The following CAST variants were observed in gnomAD, a reference collection of about 807,000 sequenced individuals.
CAST encodes calpastatin, also known as MIR583 host.
In CAST, 76 loss-of-function variants were observed where a neutral mutation model predicts 119.6. That is an observed-to-expected ratio of 0.64 (90% confidence interval 0.53 to 0.77). The LOEUF is 0.77. Ranked by LOEUF, CAST falls within the 30% of genes least tolerant of loss-of-function variation. The pLI is 0.00. For synonymous variants in CAST, 319 were observed against 331.6 expected, an observed-to-expected ratio of 0.96 and a Z score of 0.41; for missense variants, 953 against 946.5, an observed-to-expected ratio of 1.01 and a Z score of -0.09.
chr5:96,594,337 A>C (rs1747016347), intron 1 of CAST, among the ~76,000 whole-genome samples: 1 of 152,218 alleles, frequency 6.6e-6, no homozygotes, highest in Non-Finnish European at 1.5e-5. Context: ...TAGCAAACTA[A>C]AAGTAGAGTG....
the CAST span, chr5:96,433,055 C>A: frequency 6.2e-7 from 1 of 1,613,312 alleles, no homozygotes; most frequent in Non-Finnish European, 8.5e-7. Flanking sequence ...CTCACACACT[C>A]GCTTGAACAA....
At chr5:96,535,997 TATATG>T (rs1561409648) in intron 1 of CAST, among the ~76,000 whole-genome samples, 8 of 150,422 alleles carry the variant, frequency 5.3e-5, no homozygotes, top group African/African-American at 1.7e-4. Context: ...ATCTTTTAAC[TATATG>T]TTAAATAACC....
At chr5:96,644,698 G>A (rs976019854) in intron 1 of CAST, among the ~76,000 whole-genome samples, 3 of 152,228 alleles carry the variant, frequency 2.0e-5, no homozygotes, top group African/African-American at 7.2e-5. Context: ...CTCCAAGCCA[G>A]GCGCCGTGGC....
intron 24 of CAST, among the ~76,000 whole-genome samples, chr5:96,759,853 TACTA>T (rs1767311313): frequency 6.6e-6 from 1 of 152,014 alleles, no homozygotes; most frequent in Non-Finnish European, 1.5e-5. Flanking sequence ...AAAATAATCT[TACTA>T]ATAAAATTTA....
the CAST span, among the ~76,000 whole-genome samples, chr5:96,265,267 G>A: frequency 6.6e-5 from 10 of 152,096 alleles, no homozygotes; most frequent in Middle Eastern, 3.4e-3. Flanking sequence ...GGAGGTGTGC[G>A]TGTGTGTGTA....
At chr5:96,458,727 T>C in the CAST span, among the ~76,000 whole-genome samples, 28 of 152,126 alleles carry the variant, frequency 1.8e-4, no homozygotes, top group African/African-American at 6.5e-4. Flanking sequence ...AAGTCCTTGA[T>C]TTAAACTTTT....
chr5:95,997,548 C>T, the CAST span, among the ~76,000 whole-genome samples: 7 of 152,100 alleles, frequency 4.6e-5, no homozygotes, highest in African/African-American at 7.2e-5. Context: ...AGCAGGTGAA[C>T]ATGATTTGGC....
chr5:96,616,725 G>T lies in CAST; in HGVS notation c.61-58814G>T, dbSNP rs867898599. On this transcript the variant is annotated intron_variant, in intron 1 of 11. Transcript: ENST00000505143. ...GTGGCCTCTTAGACACCAAGCGCTC[G>T]CTCGCTCTCTCTCTCTCTCTATATA... Among the ~76,000 whole-genome samples, 342 of 138,344 alleles carry T rather than the reference G, an allele frequency of 2.5e-3. 11 individuals carry two copies. In the East Asian group the frequency reaches 0.059, roughly 24 times the overall value. The allele number at this position is 138,344 out of a possible 152,430, so 90.8% of individuals were successfully genotyped here.
chr5:96,331,365 G>A, the CAST span, among the ~76,000 whole-genome samples: 4 of 152,218 alleles, frequency 2.6e-5, no homozygotes, highest in Non-Finnish European at 5.9e-5. Context: ...AGATGACAAA[G>A]GGGAAGTATG....
At chr5:96,067,019 G>A in the CAST span, among the ~76,000 whole-genome samples, 1 of 152,020 alleles carries the variant, frequency 6.6e-6, no homozygotes, top group Admixed American at 6.6e-5. Context: ...AGTTTTCTTG[G>A]AGGGAAAGCA....
At chr5:96,580,640 A>C (rs1454934969) in intron 1 of CAST, among the ~76,000 whole-genome samples, 1 of 152,222 alleles carries the variant, frequency 6.6e-6, no homozygotes, top group South Asian at 2.1e-4. Flanking sequence ...TATGTTGGTC[A>C]ATGGATTACA....
the CAST span, among the ~76,000 whole-genome samples, chr5:96,017,311 G>T: frequency 1.3e-5 from 2 of 152,122 alleles, no homozygotes; most frequent in South Asian, 2.1e-4. Flanking sequence ...GATCCTAGGG[G>T]TTGATTAAGG....
chr5:96,365,781 T>G, the CAST span, among the ~76,000 whole-genome samples: 2 of 152,234 alleles, frequency 1.3e-5, no homozygotes, highest in African/African-American at 2.4e-5. Flanking sequence ...TTTATCCAAT[T>G]TGCCAGTCTG....
the CAST span, among the ~76,000 whole-genome samples, chr5:96,322,263 G>C: frequency 6.6e-6 from 1 of 152,168 alleles, no homozygotes; most frequent in African/African-American, 2.4e-5. Flanking sequence ...GAGGCTGCTT[G>C]GTTGGCCCTG....
chr5:96,396,625 G>T, the CAST span, among the ~76,000 whole-genome samples: 1 of 150,944 alleles, frequency 6.6e-6, no homozygotes, highest in African/African-American at 2.4e-5. Flanking sequence ...TTACACTTTT[G>T]TCACAGAAGA....
the CAST span, among the ~76,000 whole-genome samples, chr5:96,073,842 C>A: frequency 6.6e-6 from 1 of 152,122 alleles, no homozygotes; most frequent in African/African-American, 2.4e-5. Flanking sequence ...GGGTTGAGGA[C>A]CCCTGTTCTA....
chr5:96,562,341 C>T (rs1338630729), intron 1 of CAST, among the ~76,000 whole-genome samples: 2 of 152,058 alleles, frequency 1.3e-5, no homozygotes, highest in East Asian at 3.9e-4. Context: ...AATAATATTT[C>T]ATAGAACAAT....
the CAST span, among the ~76,000 whole-genome samples, chr5:96,305,484 C>T: frequency 6.3e-3 from 957 of 151,378 alleles, 11 homozygotes; most frequent in Non-Finnish European, 9.8e-3. Context: ...GGACTTCCAA[C>T]GCTATGTTGA....
chr5:96,515,464 G>C, the CAST span, among the ~76,000 whole-genome samples: 2 of 152,098 alleles, frequency 1.3e-5, no homozygotes, highest in Admixed American at 6.6e-5. Context: ...GAAAGACAGA[G>C]AGGTTTGGCT....
Sources: allele counts gnomAD v4.1 joint callset (sites outside exome capture counted in the v4.1 genomes callset), GRCh38; gene constraint gnomAD v4.1.1; transcripts MANE v1.5; gene names NCBI Gene and HGNC (gene_info 2026-07-23, HGNC 2026-07-21).